Variants in TRIM72 observed in about 807,000 individuals in gnomAD.
TRIM72 encodes tripartite motif containing 72.
In TRIM72, 33 loss-of-function variants were observed where a neutral mutation model predicts 31.6. That is an observed-to-expected ratio of 1.04 (90% CI 0.79 to 1.40). The LOEUF (loss-of-function observed/expected upper bound fraction) is 1.40, where lower values mean the gene tolerates loss of function less well. TRIM72 is among the 40% of genes most tolerant of loss of function. TRIM72 has a pLI of 0.00. For synonymous variants in TRIM72, 301 were observed against 314.4 expected, an observed-to-expected ratio of 0.96 and a Z score of 0.45; for missense variants, 666 against 682.7, an observed-to-expected ratio of 0.98 and a Z score of 0.27.
At chr16:31,214,710 A>G in intron 1 of TRIM72, 22 bp from the exon 2 acceptor site, 1 of 1,545,974 alleles carries the variant, frequency 6.5e-7, no homozygotes. Context: ...GGGTCCCCCT[A>G]ACCTACTCCT....
Position 31,216,971 on chromosome 16 carries a change from G to A in TRIM72, c.390+1843G>A, listed in dbSNP as rs2079512581. ...CCCAGCTTCATCTTGAACTTCTTGA[G>A]CTCCTCCGGTGTCAGGTTCTCCAGC... On this transcript the variant is annotated intron_variant, in intron 2 of 6. Coordinates refer to ENST00000322122, the MANE Select transcript of TRIM72 (RefSeq NM_001008274.4). The surrounding 1 kb of genome is among the most constrained non-coding windows in gnomAD (Gnocchi z 6.7). 1 of 1,614,026 alleles carries A rather than the reference G, an allele frequency of 6.2e-7. No individual in the cohort carries two copies. Among genetic ancestry groups the A allele is most frequent in the African/African-American group, 1.3e-5 (1 of 74,952 alleles).
Position 31,229,756 on chromosome 16 carries a change from C to G in TRIM72, c.*5001C>G, listed in dbSNP as rs1349096316. 6.6e-6 allele frequency: 1 copy of G among 152,196 alleles called. No homozygotes were observed. Among genetic ancestry groups the G allele is most frequent in the Non-Finnish European group, 1.5e-5 (1 of 68,054 alleles). 9.4% of individuals were successfully genotyped at this position (152,196 alleles called of 1,614,324 possible). Reference sequence around the variant, plus strand: ...CATCTTTAGGTAGCATAATAGCAAACTTGAACCTGCCAAGGCCATGATAAA... The same window carrying G: ...CATCTTTAGGTAGCATAATAGCAAAGTTGAACCTGCCAAGGCCATGATAAA... On this transcript the variant is annotated 3_prime_UTR_variant, in exon 7 of 7. Transcript: ENST00000322122.
chr16:31,216,161 G>C lies in TRIM72; in HGVS notation c.390+1033G>C, dbSNP rs188418215. On this transcript the variant is annotated intron_variant, in intron 2 of 6. Transcript: ENST00000322122. This position sits in a 1 kb window ranked among gnomAD's most constrained non-coding sequence, Gnocchi z 6.7. ...TCCTTTTGCCTTGACCCGCCTCCTA[G>C]AAGGGGTAGACCACCGTCCTTTCGT... 6.6e-6 allele frequency: 1 copy of C among 152,362 alleles called. No homozygotes were observed. The highest frequency in any genetic ancestry group is 2.4e-5 in the African/African-American group (1 of 41,520). 9.4% of individuals were successfully genotyped at this position (152,362 alleles called of 1,614,324 possible). A position where few individuals can be genotyped will look rare whatever the true frequency, so the allele number is the denominator to read the frequency against.
chr16:31,219,389 G>C lies in TRIM72; in HGVS notation c.587G>C (p.Arg196Pro), dbSNP rs745643982. The C allele has an allele frequency of 1.2e-6, 2 of 1,614,052 alleles. No individual in the cohort carries two copies. Among genetic ancestry groups the C allele is most frequent in the East Asian group, 4.5e-5 (2 of 44,890 alleles). ...GGCTCCTTGGACCGCGAGGCAGAGCGTGTACGGGGTGAGGCAGGGGTCGCC... is the reference window on the plus strand; with the variant it reads ...GGCTCCTTGGACCGCGAGGCAGAGCCTGTACGGGGTGAGGCAGGGGTCGCC... ...LEGSLDREAE[R>P]VRGEAGVALR... The change falls in exon 4 of 7, where the codon CGT (arginine) becomes CCT (proline). Residue 196 changes from arginine (R) to proline (P), a missense_variant. Coordinates refer to ENST00000322122, the MANE Select transcript of TRIM72 (RefSeq NM_001008274.4). The surrounding 1 kb of genome is among the most constrained non-coding windows in gnomAD (Gnocchi z 4.2).
intron 5 of TRIM72, among the ~76,000 whole-genome samples, chr16:31,222,598 C>G (rs73532245): frequency 0.03 from 4,575 of 151,310 alleles, 212 homozygotes; most frequent in African/African-American, 0.099. Flanking sequence ...TACACTCTAC[C>G]TCGCTCATTT....
Position 31,224,563 on chromosome 16 carries a change from C to A in TRIM72, c.1242C>A (p.Gly414=), listed in dbSNP as rs541948864. ...CCGAGAGGCGGCCCACGCGCATTGG[C>A]CTTTACCTGAGCTTCGGCGACGGCG... The part of the protein sequence containing the change: ...RSPERRPTRI[G]LYLSFGDGVL... Residue 414 remains glycine, a synonymous_variant, in exon 7 of 7, where the codon GGC becomes GGA. Transcript: ENST00000322122. 9.1e-6 allele frequency: 14 copies of A among 1,546,646 alleles called. No individual in the cohort carries two copies. The highest frequency in any genetic ancestry group is 4.8e-5 in the East Asian group (2 of 41,870).
At position 31,226,399 on chromosome 16, in the gene TRIM72, G is replaced by A. The variant is rs2079555162; in HGVS notation, c.*1644G>A. 1 of 152,186 alleles carries A rather than the reference G, an allele frequency of 6.6e-6. No individual in the cohort carries two copies. Among genetic ancestry groups the A allele is most frequent in the South Asian group, 2.1e-4 (1 of 4,830 alleles). The allele number at this position is 152,186 out of a possible 1,614,324, so 9.4% of individuals were successfully genotyped here. A position where few individuals can be genotyped will look rare whatever the true frequency, so the allele number is the denominator to read the frequency against. On this transcript the variant is annotated 3_prime_UTR_variant, in exon 7 of 7. Transcript: ENST00000322122. ...ATTTGAGGCCAGGAGTTTGAGACCA[G>A]CCTGGGGAACATAGTGAGACCCTGT...
At chr16:31,220,344 G>A (rs2079527782) in intron 4 of TRIM72, among the ~76,000 whole-genome samples, 1 of 150,704 alleles carries the variant, frequency 6.6e-6, no homozygotes, top group Non-Finnish European at 1.5e-5. Context: ...CGGCCTATTA[G>A]GACAGTTTTC....
In TRIM72 at chr16:31,216,433, C is replaced by CA; in HGVS notation, c.390+1311dup. On this transcript the variant is annotated intron_variant, in intron 2 of 6. Coordinates refer to ENST00000322122, the MANE Select transcript of TRIM72 (RefSeq NM_001008274.4). The surrounding 1 kb of genome is among the most constrained non-coding windows in gnomAD (Gnocchi z 6.7). ...AATCTTGCTGCCGCTAAAAAAAAAA[C>CA]AAAAAACAAACAAACAAAAAAAACC... The CA allele has an allele frequency of 3.0e-6, 1 of 333,118 alleles. No homozygotes were observed. The highest frequency in any genetic ancestry group is 5.5e-6 in the Non-Finnish European group (1 of 182,978). The allele number at this position is 333,118 out of a possible 1,614,324, so 20.6% of individuals were successfully genotyped here. A position where few individuals can be genotyped will look rare whatever the true frequency, so the allele number is the denominator to read the frequency against.
Position 31,227,032 on chromosome 16 carries a change from C to A in TRIM72, c.*2277C>A, listed in dbSNP as rs1455467993. On this transcript the variant is annotated 3_prime_UTR_variant, in exon 7 of 7. Transcript: ENST00000322122. ...GTCTCCCAGAGGAAGGCCTGTGGAG[C>A]CCTGGCTTCAGGAGACAGAAGAGAG... is the stretch of plus-strand genomic sequence containing the variant. 6.6e-5 allele frequency: 10 copies of A among 152,312 alleles called. No homozygotes were observed. The South Asian group carries it at 1.0e-3, about 16-fold the overall frequency. 9.4% of individuals were successfully genotyped at this position (152,312 alleles called of 1,614,324 possible).
chr16:31,217,079 T>C (rs1385678111), intron 2 of TRIM72: 3 of 1,561,342 alleles, frequency 1.9e-6, no homozygotes, highest in Admixed American at 1.8e-5. Context: ...CATCAGGTCC[T>C]ACCTTTCCTG....
At chr16:31,223,603 G>T (rs1217047727) in intron 6 of TRIM72, among the ~76,000 whole-genome samples, 2 of 152,090 alleles carry the variant, frequency 1.3e-5, no homozygotes, top group African/African-American at 4.8e-5. Flanking sequence ...CCCATGCCTT[G>T]TATCAATTTA....
At chr16:31,221,858 G>A (rs551139826) in intron 5 of TRIM72, among the ~76,000 whole-genome samples, 31 of 151,840 alleles carry the variant, frequency 2.0e-4, no homozygotes, top group African/African-American at 7.0e-4. Context: ...GGCATTGTGG[G>A]GAGAAGGGCA....
Position 31,222,950 on chromosome 16 carries a change from C to G in TRIM72, c.859+5C>G. 1 of 1,576,866 alleles carries G rather than the reference C, an allele frequency of 6.3e-7. No homozygotes were observed. The highest frequency in any genetic ancestry group is 8.6e-7 in the Non-Finnish European group (1 of 1,161,342). On this transcript the variant is annotated splice_donor_5th_base_variant and intron_variant, in intron 6 of 6. Coordinates refer to ENST00000322122, the MANE Select transcript of TRIM72 (RefSeq NM_001008274.4). ...TGTTCCGGGCTCTGATGCCAGGTACCGGGAGGGACTGGCTCAGGTTTGTGT... is the reference window on the plus strand; with the variant it reads ...TGTTCCGGGCTCTGATGCCAGGTACGGGGAGGGACTGGCTCAGGTTTGTGT...
At position 31,230,889 on chromosome 16, in the gene TRIM72, ACT is replaced by A. The variant is rs1295204855; in HGVS notation, c.*6137_*6138del. ...CTAAATTATCCCACTGCAGAATGAG[ACT>A]CTGTCTCAAAGGAAAAAAAAGAAAA... On this transcript the variant is annotated 3_prime_UTR_variant, in exon 7 of 7. Transcript: ENST00000322122. 6.6e-6 allele frequency: 1 copy of A among 151,884 alleles called. No individual in the cohort carries two copies. The highest frequency in any genetic ancestry group is 2.4e-5 in the African/African-American group (1 of 41,274). 9.4% of individuals were successfully genotyped at this position (151,884 alleles called of 1,614,324 possible).
In TRIM72 at chr16:31,224,888, A is replaced by G. The variant is rs2079550085; in HGVS notation, c.*133A>G. The G allele has an allele frequency of 8.5e-6, 8 of 936,160 alleles. No individual in the cohort carries two copies. The highest frequency in any genetic ancestry group is 1.2e-5 in the Non-Finnish European group (8 of 667,578). 58.0% of individuals were successfully genotyped at this position (936,160 alleles called of 1,614,324 possible). ...GGCTGGGAACTGGGGGATCTCCCAG[A>G]ATACTGACAAGCGTGGGGTAGGACT... On this transcript the variant is annotated 3_prime_UTR_variant, in exon 7 of 7. Coordinates refer to ENST00000322122, the MANE Select transcript of TRIM72 (RefSeq NM_001008274.4).
At chr16:31,217,066 A>G (rs1276670032) in intron 2 of TRIM72, 1 of 1,590,944 alleles carries the variant, frequency 6.3e-7, no homozygotes, top group African/African-American at 1.3e-5. Flanking sequence ...GAGGGCCTGG[A>G]GCCATCAGGT....
In TRIM72 at chr16:31,216,865, TTGTCGGTGAGGTC is replaced by T; in HGVS notation, c.390+1738_390+1750del. On this transcript the variant is annotated intron_variant, in intron 2 of 6. Coordinates refer to ENST00000322122, the MANE Select transcript of TRIM72 (RefSeq NM_001008274.4). This position sits in a 1 kb window ranked among gnomAD's most constrained non-coding sequence, Gnocchi z 6.7. Reference sequence around the variant, plus strand: ...GTCCTCGTAGTAGGAGGCGACCAGCTTGTCGGTGAGGTCCACGATATCTAGCTGCCCGAGCGCG... The same window carrying T: ...GTCCTCGTAGTAGGAGGCGACCAGCTCACGATATCTAGCTGCCCGAGCGCG... 5.0e-6 allele frequency: 8 copies of T among 1,613,878 alleles called. No homozygotes were observed. Among genetic ancestry groups the T allele is most frequent in the Non-Finnish European group, 5.1e-6 (6 of 1,179,968 alleles).
intron 5 of TRIM72, among the ~76,000 whole-genome samples, chr16:31,221,289 C>T (rs567235582): frequency 1.1e-4 from 16 of 151,484 alleles, no homozygotes; most frequent in African/African-American, 2.9e-4. Context: ...AAAGGCATTG[C>T]GGGGAGAAGG....
Sources: gnomAD v4.1 joint callset for allele counts (sites outside exome capture counted in the v4.1 genomes callset) on GRCh38, gnomAD v4.1.1 for gene constraint, Gnocchi (gnomAD v3.1) non-coding constraint, MANE v1.5 for transcripts, NCBI Gene and HGNC (gene_info 2026-07-23, HGNC 2026-07-21) for gene names.